Variants in OR9G1 observed in about 807,000 individuals in gnomAD.
OR9G1 encodes the protein olfactory receptor 9G1.
In OR9G1, 21 loss-of-function variants were observed where a neutral mutation model predicts 14.5. The observed-to-expected ratio is 1.45, with a 90% CI of 1.03 to 2.09. The LOEUF is 2.09. Among genes scored for constraint, OR9G1 ranks in the 30% most tolerant of loss-of-function variants. The pLI, the probability that OR9G1 is intolerant of heterozygous loss-of-function variation, is 0.00. For missense variants in OR9G1, 476 were observed against 364.2 expected (o/e 1.31, Z -2.50); for synonymous variants, 179 against 153.3 (o/e 1.17, Z -1.24).
rs927100907 is a variant in OR9G1 at position 56,701,573 on chromosome 11, A to T, written c.*268A>T. On this transcript the variant is annotated 3_prime_UTR_variant, in exon 2 of 2. Coordinates refer to ENST00000642097, the MANE Select transcript of OR9G1 (RefSeq NM_001005213.2). ...TCTCCTATACCTTCATAAAGTGAGG[A>T]ACAGCCTACCTCATTAGCCTAAGAT... The T allele has an allele frequency of 1.7e-4, 77 of 464,796 alleles. No individual in the cohort carries two copies. The highest frequency in any genetic ancestry group is 1.1e-3 in the African/African-American group (54 of 49,052). 28.8% of individuals were successfully genotyped at this position (464,796 alleles called of 1,614,324 possible).
rs998678150 is a variant in OR9G1 at position 56,702,416 on chromosome 11, G to A, written c.*1111G>A. 6.6e-6 allele frequency: 1 copy of A among 150,472 alleles called. No homozygotes were observed. Among genetic ancestry groups the A allele is most frequent in the African/African-American group, 2.4e-5 (1 of 40,862 alleles). 9.3% of individuals were successfully genotyped at this position (150,472 alleles called of 1,614,324 possible). ...AATTCCTGTAAGCATCTACCCAGAA[G>A]TGGAATTGTTAGATCATATGGTAAT... On this transcript the variant is annotated 3_prime_UTR_variant, in exon 2 of 2. Transcript: ENST00000642097.
intron 1 of OR9G1, among the ~76,000 whole-genome samples, chr11:56,700,016 A>G (rs1003293568): frequency 3.3e-5 from 5 of 152,430 alleles, no homozygotes; most frequent in Admixed American, 2.6e-4. Flanking sequence ...AGGGATGCCC[A>G]GTATTTTAAA....
Position 56,700,305 on chromosome 11 carries a change from T to C in OR9G1, c.-18-65T>C, listed in dbSNP as rs1401786004. The C allele has an allele frequency of 3.9e-6, 6 of 1,558,184 alleles. No homozygotes were observed. The Admixed American group carries it at 9.3e-5, about 24-fold the overall frequency. ...TCACGAAACACTGCAAATGTGATCT[T>C]ATGTAACATAATTCTACATATTCAT... On this transcript the variant is annotated intron_variant, in intron 1 of 1. Transcript: ENST00000642097.
Position 56,702,338 on chromosome 11 carries a change from A to G in OR9G1, c.*1033A>G, listed in dbSNP as rs1370320608. 1.3e-5 allele frequency: 2 copies of G among 152,290 alleles called. No individual in the cohort carries two copies. Among genetic ancestry groups the G allele is most frequent in the Admixed American group, 1.3e-4 (2 of 15,294 alleles). 9.4% of individuals were successfully genotyped at this position (152,290 alleles called of 1,614,324 possible). ...TGTTTCTAATTGTTAGCTATTGTGA[A>G]TAATACTGCAATGAACATGAAAGCA... On this transcript the variant is annotated 3_prime_UTR_variant, in exon 2 of 2. Transcript: ENST00000642097.
In OR9G1 at chr11:56,702,130, G is replaced by C. The variant is rs1195319342; in HGVS notation, c.*825G>C. 1 of 152,286 alleles carries C rather than the reference G, an allele frequency of 6.6e-6. No individual in the cohort carries two copies. The highest frequency in any genetic ancestry group is 2.4e-5 in the African/African-American group (1 of 41,480). 9.4% of individuals were successfully genotyped at this position (152,286 alleles called of 1,614,324 possible). ...TTATTTTTAATAGATATTTTATAGA[G>C]AGAATATGTATGTACAGGTGTGATT... On this transcript the variant is annotated 3_prime_UTR_variant, in exon 2 of 2. Coordinates refer to ENST00000642097, the MANE Select transcript of OR9G1 (RefSeq NM_001005213.2).
At position 56,703,119 on chromosome 11, in the gene OR9G1, T is replaced by C. The variant is rs936676443; in HGVS notation, c.*1814T>C. On this transcript the variant is annotated 3_prime_UTR_variant, in exon 2 of 2. Coordinates refer to ENST00000642097, the MANE Select transcript of OR9G1 (RefSeq NM_001005213.2). ...TTTAATTTTCATTAGTTTTTCAATG[T>C]AAGATAGTACTAATGTAATTTATGC... is the stretch of plus-strand genomic sequence containing the variant. The C allele has an allele frequency of 3.9e-5, 6 of 152,302 alleles. No individual in the cohort carries two copies. The highest frequency in any genetic ancestry group is 6.5e-5 in the Admixed American group (1 of 15,288). 9.4% of individuals were successfully genotyped at this position (152,302 alleles called of 1,614,324 possible). A position where few individuals can be genotyped will look rare whatever the true frequency, so the allele number is the denominator to read the frequency against.
chr11:56,701,282 G>C lies in OR9G1; in HGVS notation c.895G>C (p.Ala299Pro). The change falls in exon 2 of 2, where the codon GCT (alanine) becomes CCT (proline). Residue 299 changes from alanine (A) to proline (P), a missense_variant. By Grantham distance (27) the Ala-to-Pro change is conservative (BLOSUM62 -1). Around this residue, in one of 3 missense-constraint regions of OR9G1, gnomAD observed 352 missense variants for 211.6 expected, o/e 1.66. Transcript: ENST00000642097. ...YSLRNKDVKEALKKLLP is the reference protein window; with the variant it reads ...YSLRNKDVKEPLKKLLP ...CCTAAGGAATAAGGATGTGAAAGAG[G>C]CTCTGAAAAAACTTCTCCCATAAAT... 1.2e-6 allele frequency: 2 copies of C among 1,606,518 alleles called. No individual in the cohort carries two copies. The highest frequency in any genetic ancestry group is 8.5e-7 in the Non-Finnish European group (1 of 1,178,002).
rs1400538722 is a variant in OR9G1, at chr11:56,703,073, A to G, written c.*1768A>G. 1 of 152,312 alleles carries G rather than the reference A, an allele frequency of 6.6e-6. No homozygotes were observed. Among genetic ancestry groups the G allele is most frequent in the Non-Finnish European group, 1.5e-5 (1 of 68,056 alleles). 9.4% of individuals were successfully genotyped at this position (152,312 alleles called of 1,614,324 possible). ...TATGAATAAAATTTAAAAAACAAAAAGATGAATATGACAAGTGGCATTTAA... is the reference window on the plus strand; with the variant it reads ...TATGAATAAAATTTAAAAAACAAAAGGATGAATATGACAAGTGGCATTTAA... On this transcript the variant is annotated 3_prime_UTR_variant, in exon 2 of 2. Coordinates refer to ENST00000642097, the MANE Select transcript of OR9G1 (RefSeq NM_001005213.2).
chr11:56,700,221 CTGAT>C (rs146241892), intron 1 of OR9G1, 145 bp from the exon 2 acceptor site: 1 of 1,258,888 alleles, frequency 7.9e-7, no homozygotes, highest in Non-Finnish European at 1.1e-6. Context: ...ATTGCAAAGC[CTGAT>C]TGTTGCAAAA....
rs1296747253 is a variant in OR9G1 at position 56,701,334 on chromosome 11, C to G, written c.*29C>G. 6.4e-7 allele frequency: 1 copy of G among 1,566,176 alleles called. No individual in the cohort carries two copies. The highest frequency in any genetic ancestry group is 2.2e-5 in the East Asian group (1 of 44,802). On this transcript the variant is annotated 3_prime_UTR_variant, in exon 2 of 2. Coordinates refer to ENST00000642097, the MANE Select transcript of OR9G1 (RefSeq NM_001005213.2). ...AAGATTATCTCCACCAGAGGAGAAA[C>G]AAAGACGACCTTAGATGGAGTGTTG... is the stretch of plus-strand genomic sequence containing the variant.
Position 56,701,086 on chromosome 11 carries a change from C to T in OR9G1, c.699C>T (p.Tyr233=), listed in dbSNP as rs1314228282. The change falls in exon 2 of 2, where the codon TAC becomes TAT. Residue 233 remains tyrosine, a synonymous_variant. Transcript: ENST00000642097. Reference sequence around the variant, plus strand: ...TGAGGATCTCCTCCTCCAAGGGCTACCTCAAAGCCTTCTCCACATGCTCCT... The same window carrying T: ...TGAGGATCTCCTCCTCCAAGGGCTATCTCAAAGCCTTCTCCACATGCTCCT... ...SVLRISSSKG[Y]LKAFSTCSSH... 1.2e-6 allele frequency: 2 copies of T among 1,614,168 alleles called. No individual in the cohort carries two copies. The highest frequency in any genetic ancestry group is 1.7e-6 in the Non-Finnish European group (2 of 1,180,048).
chr11:56,699,430 T>C (rs1330003219), intron 1 of OR9G1, among the ~76,000 whole-genome samples: 1 of 152,312 alleles, frequency 6.6e-6, no homozygotes, highest in East Asian at 1.9e-4. Context: ...AATGCTAATA[T>C]TGAGAGTTGA....
At position 56,703,595 on chromosome 11, in the gene OR9G1, C is replaced by CTG; in HGVS notation, c.*2290_*2291insTG. ...GTTTCTTGACCGAAACTAGAAAGTA[C>CTG]ATCATTCCAGAGGGAAGCATCAATT... On this transcript the variant is annotated 3_prime_UTR_variant, in exon 2 of 2. Coordinates refer to ENST00000642097, the MANE Select transcript of OR9G1 (RefSeq NM_001005213.2). 6.6e-6 allele frequency: 1 copy of CTG among 152,306 alleles called. No individual in the cohort carries two copies. Among genetic ancestry groups the CTG allele is most frequent in the South Asian group, 2.1e-4 (1 of 4,838 alleles). 9.4% of individuals were successfully genotyped at this position (152,306 alleles called of 1,614,324 possible).
rs2135021342 is a variant in OR9G1 at position 56,702,336 on chromosome 11, GAATAATACTGC to G, written c.*1035_*1045del. ...GTTGTTTCTAATTGTTAGCTATTGT[GAATAATACTGC>G]AATGAACATGAAAGCACAGATATCT... On this transcript the variant is annotated 3_prime_UTR_variant, in exon 2 of 2. Coordinates refer to ENST00000642097, the MANE Select transcript of OR9G1 (RefSeq NM_001005213.2). The G allele has an allele frequency of 6.6e-6, 1 of 152,412 alleles. No homozygotes were observed. Among genetic ancestry groups the G allele is most frequent in the African/African-American group, 2.4e-5 (1 of 41,604 alleles). The allele number at this position is 152,412 out of a possible 1,614,324, so 9.4% of individuals were successfully genotyped here. A position where few individuals can be genotyped will look rare whatever the true frequency, so the allele number is the denominator to read the frequency against.
In OR9G1 at chr11:56,701,201, A is replaced by G. The variant is rs1323582149; in HGVS notation, c.814A>G (p.Ile272Val). The G allele has an allele frequency of 2.5e-6, 4 of 1,614,304 alleles. No individual in the cohort carries two copies. ...RSSYSFDMDKIVSTFYTVVFP... is the reference protein window; with the variant it reads ...RSSYSFDMDKVVSTFYTVVFP... ...TAGCTATTCTTTTGATATGGACAAA[A>G]TAGTTTCTACATTTTACACTGTGGT... The change falls in exon 2 of 2, where the codon ATA becomes GTA. Residue 272 changes from isoleucine to valine, a missense_variant. Ile to Val is a conservative substitution (Grantham distance 29, BLOSUM62 3). Transcript: ENST00000642097.
In OR9G1 at chr11:56,701,230, C is replaced by A. The variant is rs781093417; in HGVS notation, c.843C>A (p.Phe281Leu). Reference sequence around the variant, plus strand: ...TTTCTACATTTTACACTGTGGTATTCCCCATGTTGAATCTCATGATCTACA... The same window carrying A: ...TTTCTACATTTTACACTGTGGTATTACCCATGTTGAATCTCATGATCTACA... ...KIVSTFYTVV[F>L]PMLNLMIYSL... The change falls in exon 2 of 2, where the codon TTC becomes TTA. Residue 281 changes from phenylalanine to leucine, a missense_variant. By Grantham distance (22) the Phe-to-Leu change is conservative. This residue lies in a region of OR9G1 where 352 missense variants were observed against 211.6 expected (regional missense o/e 1.66). Transcript: ENST00000642097. 5.6e-6 allele frequency: 9 copies of A among 1,614,258 alleles called. No individual in the cohort carries two copies. Among genetic ancestry groups the A allele is most frequent in the South Asian group, 2.2e-5 (2 of 91,092 alleles).
chr11:56,699,879 T>G (rs933669691), intron 1 of OR9G1, among the ~76,000 whole-genome samples: 2 of 152,304 alleles, frequency 1.3e-5, no homozygotes, highest in Non-Finnish European at 2.9e-5. Context: ...CCCTTTATAC[T>G]TTTCTTAGTA....
At position 56,701,631 on chromosome 11, in the gene OR9G1, TATA is replaced by T; in HGVS notation, c.*327_*329del. 2 of 296,490 alleles carry T rather than the reference TATA, an allele frequency of 6.7e-6. No individual in the cohort carries two copies. The highest frequency in any genetic ancestry group is 6.1e-6 in the Non-Finnish European group (1 of 163,002). The allele number at this position is 296,490 out of a possible 1,614,324, so 18.4% of individuals were successfully genotyped here. On this transcript the variant is annotated 3_prime_UTR_variant, in exon 2 of 2. Coordinates refer to ENST00000642097, the MANE Select transcript of OR9G1 (RefSeq NM_001005213.2). ...ACTGATACATATAGAAGAGTATCTA[TATA>T]GTTCCTAGAACTAGGAAGAATTGTG...
chr11:56,701,765 A>G lies in OR9G1; in HGVS notation c.*460A>G, dbSNP rs1331118633. ...GTTCTACATGCTTTCCCCCCACAAG[A>G]AGAATTAGCACAAAGATCCAGAGGC... On this transcript the variant is annotated 3_prime_UTR_variant, in exon 2 of 2. Coordinates refer to ENST00000642097, the MANE Select transcript of OR9G1 (RefSeq NM_001005213.2). The G allele has an allele frequency of 6.4e-6, 1 of 155,700 alleles. No homozygotes were observed. Among genetic ancestry groups the G allele is most frequent in the East Asian group, 1.9e-4 (1 of 5,270 alleles). 9.6% of individuals were successfully genotyped at this position (155,700 alleles called of 1,614,324 possible).
Sources: allele counts gnomAD v4.1 joint callset (sites outside exome capture counted in the v4.1 genomes callset), GRCh38; gene constraint gnomAD v4.1.1; regional missense constraint gnomAD v4.1.1; transcripts MANE v1.5; gene names NCBI Gene and HGNC (gene_info 2026-07-23, HGNC 2026-07-21).